Variants in TAMM41 observed in about 807,000 individuals in gnomAD.
TAMM41 encodes TAM41 mitochondrial translocator assembly and maintenance homolog.
Under a neutral mutation model 44.1 loss-of-function variants are expected in TAMM41, and 36 were observed. That is an observed-to-expected ratio of 0.82 (90% CI 0.63 to 1.08). The LOEUF (loss-of-function observed/expected upper bound fraction) is 1.08. Among genes scored for constraint, TAMM41 ranks in the 50% least tolerant of loss-of-function variants. The pLI, the probability that TAMM41 is intolerant of heterozygous loss-of-function variation, is 0.00. For missense variants in TAMM41, 417 were observed against 404.3 expected (o/e 1.03, Z -0.27); for synonymous variants, 164 against 153.1 (o/e 1.07, Z -0.53).
chr3:11,757,850 C>G, the TAMM41 span, among the ~76,000 whole-genome samples: 2 of 152,168 alleles, frequency 1.3e-5, no homozygotes, highest in African/African-American at 4.8e-5. Context: ...AATCCTGCTC[C>G]CTGAGCAGCT....
the TAMM41 span, among the ~76,000 whole-genome samples, chr3:11,746,942 G>C: frequency 3.9e-5 from 6 of 151,980 alleles, no homozygotes; most frequent in African/African-American, 1.5e-4. Flanking sequence ...GACCCATGCT[G>C]TATGATTCCA....
At chr3:11,741,903 G>A in the TAMM41 span, among the ~76,000 whole-genome samples, 12 of 150,176 alleles carry the variant, frequency 8.0e-5, no homozygotes, top group Admixed American at 4.6e-4. Flanking sequence ...GATGGCTAAT[G>A]GGCAGGGAGC....
At chr3:11,788,798 G>A (rs1051719323), downstream of TAMM41, among the ~76,000 whole-genome samples, 3 of 152,006 alleles carry the variant, frequency 2.0e-5, no homozygotes, top group African/African-American at 7.3e-5. Context: ...TTAGCTGGGC[G>A]TGGTGGCAGC....
chr3:11,805,011 T>G (rs200020813), intron 7 of TAMM41, among the ~76,000 whole-genome samples: 42 of 116,404 alleles, frequency 3.6e-4, no homozygotes, highest in East Asian at 2.6e-3. Context: ...TTTTTTTTTT[T>G]TTTTTTTTTT....
At chr3:11,754,706 CTCT>C in the TAMM41 span, among the ~76,000 whole-genome samples, 21 of 106,872 alleles carry the variant, frequency 2.0e-4, no homozygotes, top group Admixed American at 1.3e-3. Flanking sequence ...TTTCTCAGAT[CTCT>C]TTTTTTTTTT....
chr3:11,789,311 G>A (rs1294425985), downstream of TAMM41, among the ~76,000 whole-genome samples: 3 of 152,162 alleles, frequency 2.0e-5, no homozygotes, highest in Non-Finnish European at 4.4e-5. Flanking sequence ...AGTAGACAAG[G>A]AATTATTCAA....
the TAMM41 span, among the ~76,000 whole-genome samples, chr3:11,730,186 C>T: frequency 1.3e-5 from 2 of 152,032 alleles, no homozygotes; most frequent in African/African-American, 2.4e-5. Flanking sequence ...TTTGAGATGC[C>T]GATGTGGGTG....
At chr3:11,778,301 A>G in the TAMM41 span, among the ~76,000 whole-genome samples, 2,035 of 152,140 alleles carry the variant, frequency 0.013, 39 homozygotes, top group African/African-American at 0.046. Flanking sequence ...CACAGCTCAC[A>G]GCAAACCTCC....
intron 7 of TAMM41, among the ~76,000 whole-genome samples, chr3:11,799,376 G>A (rs1432388368): frequency 2.0e-5 from 3 of 152,186 alleles, no homozygotes; most frequent in Non-Finnish European, 4.4e-5. Context: ...AAGTCACACT[G>A]GTTAGGTTGT....
intron 5 of TAMM41, among the ~76,000 whole-genome samples, chr3:11,813,904 A>G (rs373778953): frequency 0.014 from 2,134 of 148,272 alleles, 31 homozygotes; most frequent in Non-Finnish European, 0.024. Flanking sequence ...ATATATGTAT[A>G]TATGTGTGTA....
intron 2 of TAMM41, among the ~76,000 whole-genome samples, chr3:11,841,809 C>A (rs1461722313): frequency 6.6e-6 from 1 of 152,182 alleles, no homozygotes; most frequent in Non-Finnish European, 1.5e-5. Flanking sequence ...ACAGAAACAC[C>A]ACGGGCCTGG....
At chr3:11,807,226 C>T (rs2077937042) in intron 7 of TAMM41, 1 of 1,429,562 alleles carries the variant, frequency 7.0e-7, no homozygotes, top group Non-Finnish European at 9.1e-7. Flanking sequence ...CTCTGTGGCT[C>T]ACCATACCAT....
At chr3:11,779,169 G>T in the TAMM41 span, among the ~76,000 whole-genome samples, 5 of 152,222 alleles carry the variant, frequency 3.3e-5, no homozygotes, top group South Asian at 1.0e-3. Context: ...CGGGCCATGT[G>T]ACCTCTACAC....
At chr3:11,761,350 CCA>C in the TAMM41 span, among the ~76,000 whole-genome samples, 1 of 152,000 alleles carries the variant, frequency 6.6e-6, no homozygotes, top group Non-Finnish European at 1.5e-5. Flanking sequence ...CTTGATCACC[CCA>C]GTTTCTCTGC....
In TAMM41 at chr3:11,817,664, T is replaced by C. The variant is rs190924259; in HGVS notation, c.563-327A>G. Among the ~76,000 whole-genome samples the C allele has an allele frequency of 3.5e-3, 527 of 152,326 alleles. 3 individuals are homozygous for C. Among genetic ancestry groups the C allele is most frequent in the Non-Finnish European group, 2.9e-3 (194 of 68,028 alleles). On this transcript the variant is annotated intron_variant, in intron 4 of 7. Coordinates refer to ENST00000455809, the MANE Select transcript of TAMM41 (RefSeq NM_001284401.2). ...TCTGTACCTACAAAGTCTTGTCTTA[T>C]GGGCCAAATTCTGCCTGTGGCCAAT...
the TAMM41 span, among the ~76,000 whole-genome samples, chr3:11,784,098 C>T: frequency 2.6e-5 from 4 of 152,150 alleles, no homozygotes; most frequent in Non-Finnish European, 4.4e-5. Context: ...GAGATTTGGG[C>T]CCCAACCAGG....
intron 5 of TAMM41, chr3:11,809,983 A>G: frequency 4.0e-6 from 1 of 253,070 alleles, no homozygotes; most frequent in Non-Finnish European, 7.4e-6. Flanking sequence ...TATTTGTCTT[A>G]AATCCAGCAG....
At chr3:11,750,010 C>T in the TAMM41 span, among the ~76,000 whole-genome samples, 1 of 151,716 alleles carries the variant, frequency 6.6e-6, no homozygotes. Flanking sequence ...TATTCTCCTG[C>T]CTCAGCCTCC....
the TAMM41 span, among the ~76,000 whole-genome samples, chr3:11,737,747 C>A: frequency 6.6e-6 from 1 of 152,166 alleles, no homozygotes; most frequent in Non-Finnish European, 1.5e-5. Flanking sequence ...AAAACACAAG[C>A]AATACCACAA....
Sources: gnomAD v4.1 joint callset for allele counts (sites outside exome capture counted in the v4.1 genomes callset) on GRCh38, gnomAD v4.1.1 for gene constraint, MANE v1.5 for transcripts, NCBI Gene and HGNC (gene_info 2026-07-23, HGNC 2026-07-21) for gene names.